The following IKZF1 variants were observed in gnomAD, a reference collection of about 807,000 sequenced individuals.
IKZF1 encodes IKAROS family zinc finger 1.
In IKZF1, 10 loss-of-function variants were observed where a neutral mutation model predicts 51.7. The observed-to-expected ratio is 0.19, with a 90% confidence interval of 0.12 to 0.33. The LOEUF (loss-of-function observed/expected upper bound fraction) is 0.33, where lower values mean the gene tolerates loss of function less well. Among genes scored for constraint, IKZF1 ranks in the 10% least tolerant of loss-of-function variants. The pLI is 1.00. For missense variants in IKZF1, 484 were observed against 707.5 expected, an observed-to-expected ratio of 0.68 and a Z score of 3.58; for synonymous variants, 280 against 282.3, an observed-to-expected ratio of 0.99 and a Z score of 0.08.
intron 1 of IKZF1, among the ~76,000 whole-genome samples, chr7:50,306,061 G>T (rs548373445): frequency 1.3e-5 from 2 of 152,284 alleles, no homozygotes; most frequent in South Asian, 4.1e-4. Flanking sequence ...GAATGTGTCA[G>T]AATTATTTCC....
chr7:50,326,599 A>G (rs117923693), intron 2 of IKZF1, among the ~76,000 whole-genome samples: 3 of 152,346 alleles, frequency 2.0e-5, no homozygotes, highest in Non-Finnish European at 4.4e-5. Flanking sequence ...TGATTCCCCA[A>G]TGCTAGAACC....
intron 1 of IKZF1, among the ~76,000 whole-genome samples, chr7:50,310,200 G>A (rs532518798): frequency 1.3e-5 from 2 of 152,190 alleles, no homozygotes; most frequent in Admixed American, 1.3e-4. Context: ...GTGTTTTCCC[G>A]CTTTAGTATG....
chr7:50,347,900 A>G (rs1250563221), intron 3 of IKZF1, among the ~76,000 whole-genome samples: 1 of 152,062 alleles, frequency 6.6e-6, no homozygotes, highest in Non-Finnish European at 1.5e-5. Context: ...GCTCTGTGCA[A>G]CCCTCGTGTT....
intron 5 of IKZF1, among the ~76,000 whole-genome samples, chr7:50,385,962 C>G (rs2153484711): frequency 6.6e-6 from 1 of 152,306 alleles, no homozygotes; most frequent in South Asian, 2.1e-4. Flanking sequence ...TTCTGTTCAC[C>G]TAAGAAAGAG....
Position 50,387,487 on chromosome 7 carries a change from G to A in IKZF1, c.715+17G>A, listed in dbSNP as rs1049961836. 1.1e-5 allele frequency: 18 copies of A among 1,599,474 alleles called. 1 individual carries two copies. Among genetic ancestry groups the A allele is most frequent in the South Asian group, 3.4e-5 (3 of 88,858 alleles). ...TGTACCCAGGTAAGCGCTGCTGCTC[G>A]GAGGCCAGCCTGGTGGGCTCTCCCC... On this transcript the variant is annotated intron_variant, in intron 6 of 7. Transcript: ENST00000331340.
intron 3 of IKZF1, among the ~76,000 whole-genome samples, chr7:50,352,176 C>T (rs1802029425): frequency 6.6e-6 from 1 of 152,172 alleles, no homozygotes. Flanking sequence ...CTTGTGTTTC[C>T]CTGGCCATAG....
intron 3 of IKZF1, among the ~76,000 whole-genome samples, chr7:50,356,998 G>A (rs952534042): frequency 2.0e-5 from 3 of 151,916 alleles, no homozygotes; most frequent in Non-Finnish European, 2.9e-5. Flanking sequence ...TAGAGTAACC[G>A]AGAGCAGGAT....
At chr7:50,386,968 C>T (rs768048963) in intron 5 of IKZF1, among the ~76,000 whole-genome samples, 1 of 152,192 alleles carries the variant, frequency 6.6e-6, no homozygotes, top group Admixed American at 6.5e-5. Context: ...GGCAAATCTG[C>T]AGACAATGTG....
chr7:50,310,607 C>T (rs1485291201), intron 1 of IKZF1, among the ~76,000 whole-genome samples: 1 of 152,130 alleles, frequency 6.6e-6, no homozygotes, highest in East Asian at 1.9e-4. Flanking sequence ...ACCCACGTTT[C>T]GCATGGACCT....
chr7:50,303,616 C>T (rs773569697), upstream of IKZF1, among the ~76,000 whole-genome samples: 1 of 152,074 alleles, frequency 6.6e-6, no homozygotes, highest in African/African-American at 2.4e-5. The surrounding 1 kb of genome is among the most constrained non-coding windows in gnomAD (Gnocchi z 4.7). Context: ...CCCACCCCCT[C>T]GGGTGGGCAC....
intron 3 of IKZF1, among the ~76,000 whole-genome samples, chr7:50,330,229 T>C (rs1345176089): frequency 6.6e-6 from 1 of 152,224 alleles, no homozygotes; most frequent in African/African-American, 2.4e-5. Flanking sequence ...CAGGATGTAA[T>C]TTAGAAAATA....
At position 50,324,561 on chromosome 7, in the gene IKZF1, T is replaced by C. The variant is rs767656716; in HGVS notation, c.41-3077T>C. Reference sequence around the variant, plus strand: ...GGTATTTTAGAATTGCGATCCCTACTGTTTCATTATTCCTTTTTCTCCCCC... The same window carrying C: ...GGTATTTTAGAATTGCGATCCCTACCGTTTCATTATTCCTTTTTCTCCCCC... On this transcript the variant is annotated intron_variant, in intron 2 of 7. Coordinates refer to ENST00000331340, the MANE Select transcript of IKZF1 (RefSeq NM_006060.6). Among the ~76,000 whole-genome samples, 89 of 152,184 alleles carry C rather than the reference T, an allele frequency of 5.8e-4. 1 individual carries two copies. The highest frequency in any genetic ancestry group is 5.7e-3 in the Admixed American group (87 of 15,284).
At chr7:50,371,003 C>T (rs1452625044) in intron 3 of IKZF1, among the ~76,000 whole-genome samples, 1 of 152,176 alleles carries the variant, frequency 6.6e-6, no homozygotes, top group Non-Finnish European at 1.5e-5. Flanking sequence ...AACTCGGGCC[C>T]TGGCAAATGT....
In IKZF1 at chr7:50,319,727, T is replaced by G. The variant is rs192102914; in HGVS notation, c.40+626T>G. On this transcript the variant is annotated intron_variant, in intron 2 of 7. Transcript: ENST00000331340. ...AGGAAGACAGCTTTCTATCTGGCCC[T>G]GTATCCAGAGGCGTCAGCCCCAGTA... Among the ~76,000 whole-genome samples, 830 of 152,348 alleles carry G rather than the reference T, an allele frequency of 5.4e-3. 9 individuals are homozygous for G. Among genetic ancestry groups the G allele is most frequent in the African/African-American group, 0.019 (785 of 41,574 alleles).
chr7:50,400,368 C>G lies in IKZF1; in HGVS notation c.1301C>G (p.Ala434Gly), dbSNP rs760920682. Residue 434 changes from alanine to glycine, a missense_variant, in exon 8 of 8, where the codon GCC becomes GGC. Physicochemically the swap from Ala to Gly is moderately conservative, Grantham distance 60. Coordinates refer to ENST00000331340, the MANE Select transcript of IKZF1 (RefSeq NM_006060.6). This position sits in a 1 kb window ranked among gnomAD's most constrained non-coding sequence, Gnocchi z 5.4. ...CTGTCGCTCAAGGAGGAGCACCGCGCCTACGACCTGCTGCGCGCCGCCTCC... is the reference window on the plus strand; with the variant it reads ...CTGTCGCTCAAGGAGGAGCACCGCGGCTACGACCTGCTGCGCGCCGCCTCC... ...NGLSLKEEHR[A>G]YDLLRAASEN... 6.2e-7 allele frequency: 1 copy of G among 1,613,098 alleles called. No individual in the cohort carries two copies. The highest frequency in any genetic ancestry group is 2.2e-5 in the East Asian group (1 of 44,872).
intron 1 of IKZF1, among the ~76,000 whole-genome samples, chr7:50,312,073 A>G (rs1790313105): frequency 6.6e-6 from 1 of 152,234 alleles, no homozygotes; most frequent in South Asian, 2.1e-4. Flanking sequence ...ATTGCTGCAC[A>G]GCTCCTGACC....
rs758496021 is a variant in IKZF1, at chr7:50,400,050, G to T, written c.983G>T (p.Arg328Leu). The T allele has an allele frequency of 6.2e-6, 10 of 1,607,384 alleles. No individual in the cohort carries two copies. The highest frequency in any genetic ancestry group is 8.5e-6 in the Non-Finnish European group (10 of 1,177,470). Residue 328 changes from arginine to leucine, a missense_variant, in exon 8 of 8, where the codon CGC (arginine) becomes CTC (leucine). By Grantham distance (102) the Arg-to-Leu change is moderately radical. Transcript: ENST00000331340. The surrounding 1 kb of genome is among the most constrained non-coding windows in gnomAD (Gnocchi z 5.4). ...AINYLGAESL[R>L]PLVQTPPGGS... ...AACTACCTGGGGGCCGAGTCCCTGCGCCCGCTGGTGCAGACGCCCCCGGGC... is the reference window on the plus strand; with the variant it reads ...AACTACCTGGGGGCCGAGTCCCTGCTCCCGCTGGTGCAGACGCCCCCGGGC...
At chr7:50,322,107 G>A (rs549095350) in intron 2 of IKZF1, among the ~76,000 whole-genome samples, 1 of 152,064 alleles carries the variant, frequency 6.6e-6, no homozygotes, top group Non-Finnish European at 1.5e-5. Context: ...CTACTTCTTC[G>A]AGTTTGATCT....
chr7:50,355,118 T>A (rs1200925822), intron 3 of IKZF1, among the ~76,000 whole-genome samples: 1 of 152,078 alleles, frequency 6.6e-6, no homozygotes, highest in Non-Finnish European at 1.5e-5. Flanking sequence ...TCAGTCTCCA[T>A]CAGGCAAATC....
Sources: allele counts gnomAD v4.1 joint callset (sites outside exome capture counted in the v4.1 genomes callset), GRCh38; gene constraint gnomAD v4.1.1; non-coding constraint Gnocchi (gnomAD v3.1); transcripts MANE v1.5; gene names NCBI Gene and HGNC (gene_info 2026-07-23, HGNC 2026-07-21).